The following MED15 variants were observed in gnomAD, a reference collection of about 807,000 sequenced individuals.
MED15 encodes the protein mediator complex subunit 15.
MED15 carries 41 observed loss-of-function variants against 118.7 expected under a neutral mutation model. The ratio of observed to expected loss-of-function variants is 0.35; its 90% CI spans 0.27 to 0.45. The LOEUF is 0.45. Among genes scored for constraint, MED15 ranks in the 20% least tolerant of loss-of-function variants. The probability of loss-of-function intolerance (pLI) is 1.00; values close to 1 mark genes in which losing one functional copy is unlikely to be tolerated. For synonymous variants in MED15, 436 were observed against 413.9 expected (o/e 1.05, Z -0.65); for missense variants, 740 against 1,025.5 (o/e 0.72, Z 3.80).
At chr22:20,584,142 C>G in intron 13 of MED15, 1 of 593,036 alleles carries the variant, frequency 1.7e-6, no homozygotes, top group Non-Finnish European at 3.0e-6. Context: ...ACTGTCCCTT[C>G]TCTTGACCCA....
intron 1 of MED15, among the ~76,000 whole-genome samples, chr22:20,510,809 CTTTAT>C (rs1368596702): frequency 6.6e-6 from 1 of 152,206 alleles, no homozygotes; most frequent in African/African-American, 2.4e-5. Context: ...AGGATAATCT[CTTTAT>C]TTTAAAGTTT....
chr22:20,529,242 A>G (rs1444344091), intron 1 of MED15, among the ~76,000 whole-genome samples: 1 of 151,870 alleles, frequency 6.6e-6, no homozygotes, highest in African/African-American at 2.4e-5. Flanking sequence ...GGAGGTTCAT[A>G]TCTGTTATTT....
intron 5 of MED15, among the ~76,000 whole-genome samples, chr22:20,560,871 A>G (rs2056209852): frequency 2.6e-5 from 4 of 152,210 alleles, no homozygotes. Context: ...CCCTAGCCTC[A>G]AATCCATCCA....
chr22:20,553,918 CAT>C (rs1274699176), intron 4 of MED15, among the ~76,000 whole-genome samples: 5 of 152,220 alleles, frequency 3.3e-5, no homozygotes, highest in Non-Finnish European at 2.9e-5. Context: ...GCGTTTATCA[CAT>C]GAGGGGAATT....
chr22:20,587,538 C>T lies in MED15; in HGVS notation c.*834C>T. 3.1e-6 allele frequency: 1 copy of T among 326,876 alleles called. No individual in the cohort carries two copies. Among genetic ancestry groups the T allele is most frequent in the South Asian group, 5.7e-5 (1 of 17,494 alleles). The allele number at this position is 326,876 out of a possible 1,614,324, so 20.2% of individuals were successfully genotyped here. A position where few individuals can be genotyped will look rare whatever the true frequency, so the allele number is the denominator to read the frequency against. ...CTGCCACTCTGGGCACCGGCCAGCA[C>T]CCTCTGGTGAGAAGAGGTCCCCCCT... On this transcript the variant is annotated 3_prime_UTR_variant, in exon 18 of 18. Transcript: ENST00000263205.
At chr22:20,560,712 G>T (rs1015520144) in intron 5 of MED15, among the ~76,000 whole-genome samples, 1 of 152,216 alleles carries the variant, frequency 6.6e-6, no homozygotes, top group East Asian at 1.9e-4. Context: ...ACTATTTTGA[G>T]TGTTTTACTT....
chr22:20,546,682 G>C lies in MED15; in HGVS notation c.157-4754G>C, dbSNP rs1185309046. Among the ~76,000 whole-genome samples the C allele has an allele frequency of 2.0e-5, 3 of 152,158 alleles. No homozygotes were observed. In the East Asian group the frequency reaches 5.8e-4, roughly 29 times the overall value. On this transcript the variant is annotated intron_variant, in intron 2 of 17. Coordinates refer to ENST00000263205, the MANE Select transcript of MED15 (RefSeq NM_001003891.3). ...CTCTTTGAGTGACATTTTGAGCTCA[G>C]GGCTGTGTATCTGGGGTGTTCTGGT... is the stretch of plus-strand genomic sequence containing the variant.
chr22:20,535,770 A>C (rs554866407), intron 1 of MED15, among the ~76,000 whole-genome samples: 3 of 151,764 alleles, frequency 2.0e-5, no homozygotes, highest in East Asian at 1.9e-4. Context: ...TGTGTTAGCC[A>C]GGATGGTCGT....
intron 1 of MED15, among the ~76,000 whole-genome samples, chr22:20,517,285 CTG>C (rs1317371001): frequency 6.6e-5 from 10 of 152,138 alleles, no homozygotes; most frequent in Admixed American, 4.6e-4. Flanking sequence ...TGCCCACTGT[CTG>C]TGGATTCTGT....
chr22:20,585,702 C>A, intron 16 of MED15, 26 bp from the exon 17 acceptor site: 1 of 1,607,954 alleles, frequency 6.2e-7, no homozygotes, highest in South Asian at 1.1e-5. Context: ...TTGTCCAGGT[C>A]ACAGATAGAG....
intron 1 of MED15, among the ~76,000 whole-genome samples, chr22:20,521,088 ATTTTTTTTTTT>A (rs924603121): frequency 3.3e-4 from 20 of 61,498 alleles, no homozygotes; most frequent in African/African-American, 1.3e-3. Context: ...CAGTTGTTCT[ATTTTTTTTTTT>A]TTTTTTTTTT....
intron 2 of MED15, among the ~76,000 whole-genome samples, chr22:20,541,057 T>C (rs1323831243): frequency 6.6e-6 from 1 of 151,872 alleles, no homozygotes; most frequent in African/African-American, 2.4e-5. Context: ...TGAAACCCTG[T>C]CTCTACTTAA....
intron 8 of MED15, among the ~76,000 whole-genome samples, chr22:20,570,192 T>C (rs540637483): frequency 6.6e-6 from 1 of 151,930 alleles, no homozygotes; most frequent in African/African-American, 2.4e-5. Flanking sequence ...ACCTGGCTAA[T>C]TTTTGTATTT....
intron 1 of MED15, among the ~76,000 whole-genome samples, chr22:20,518,018 G>T (rs764755396): frequency 4.6e-5 from 7 of 152,206 alleles, no homozygotes; most frequent in Non-Finnish European, 2.9e-5. Context: ...CAGACCAACA[G>T]TGGGAGCTTG....
intron 14 of MED15, 90 bp from the exon 15 acceptor site, chr22:20,584,765 T>C: frequency 6.7e-7 from 1 of 1,497,724 alleles, no homozygotes; most frequent in African/African-American, 1.4e-5. Context: ...GGAATCTGAC[T>C]GTGAGTGACC....
At chr22:20,545,640 T>A (rs1007216918) in intron 2 of MED15, among the ~76,000 whole-genome samples, 1 of 152,154 alleles carries the variant, frequency 6.6e-6, no homozygotes, top group Non-Finnish European at 1.5e-5. Flanking sequence ...GTGAAAATGA[T>A]GAATAACAGG....
chr22:20,514,559 A>G (rs1193651814), intron 1 of MED15, among the ~76,000 whole-genome samples: 1 of 152,182 alleles, frequency 6.6e-6, no homozygotes, highest in Non-Finnish European at 1.5e-5. Flanking sequence ...AGGAGGTGAC[A>G]CAGCTGGGGA....
intron 1 of MED15, chr22:20,524,407 G>A (rs2054560952): frequency 6.6e-6 from 1 of 151,382 alleles, no homozygotes; most frequent in Non-Finnish European, 1.5e-5. Flanking sequence ...ACTGATGGAG[G>A]ACAGGGAAGG....
In MED15 at chr22:20,507,718, G is replaced by C; in HGVS notation, c.40G>C (p.Ala14Pro). Residue 14 changes from alanine (A) to proline (P), a missense_variant, in exon 1 of 18, where the codon GCC becomes CCC. Around this residue, in one of 7 missense-constraint regions of MED15, gnomAD observed 23 missense variants for 20.2 expected, o/e 1.14. Transcript: ENST00000263205. ...GCAAGAGACCGACTGGCGGAGCACC[G>C]CCTTCCGGCAGAAGCTGGTCAGTCA... ...SGQETDWRSTAFRQKLVSQIE... is the reference protein window; with the variant it reads ...SGQETDWRSTPFRQKLVSQIE... 6.2e-7 allele frequency: 1 copy of C among 1,614,026 alleles called. No homozygotes were observed. Among genetic ancestry groups the C allele is most frequent in the Non-Finnish European group, 8.5e-7 (1 of 1,179,936 alleles).
Sources: allele counts gnomAD v4.1 joint callset (sites outside exome capture counted in the v4.1 genomes callset), GRCh38; gene constraint gnomAD v4.1.1; regional missense constraint gnomAD v4.1.1; transcripts MANE v1.5; gene names NCBI Gene and HGNC (gene_info 2026-07-23, HGNC 2026-07-21).